The following MTMR12 variants were observed in gnomAD, a reference collection of about 807,000 sequenced individuals.
MTMR12 encodes the protein myotubularin related protein 12.
A neutral mutation model predicts 96.7 loss-of-function variants in MTMR12; 33 were observed. That is an observed-to-expected ratio of 0.34 (90% confidence interval 0.26 to 0.46). The LOEUF is 0.46. MTMR12 is among the 20% of genes least tolerant of loss of function. MTMR12 has a pLI of 1.00. For synonymous variants in MTMR12, 298 were observed against 327.2 expected (o/e 0.91, Z 0.96); for missense variants, 721 against 896.1 (o/e 0.80, Z 2.49).
At chr5:32,251,510 G>A (rs989503760) in intron 8 of MTMR12, among the ~76,000 whole-genome samples, 4 of 152,160 alleles carry the variant, frequency 2.6e-5, no homozygotes, top group Admixed American at 6.5e-5. Context: ...GGCTGCACAC[G>A]ACGTAAGGAC....
At chr5:32,262,318 T>C (rs1334575305) in intron 7 of MTMR12, among the ~76,000 whole-genome samples, 5 of 152,154 alleles carry the variant, frequency 3.3e-5, no homozygotes, top group Non-Finnish European at 5.9e-5. Flanking sequence ...ATATTATTCA[T>C]GGCCAGGCAT....
chr5:32,249,659 G>A (rs1043836070), intron 8 of MTMR12, among the ~76,000 whole-genome samples: 5 of 152,204 alleles, frequency 3.3e-5, no homozygotes, highest in Non-Finnish European at 5.9e-5. Context: ...GAAGTCACAC[G>A]AGTGACCAAC....
intron 8 of MTMR12, among the ~76,000 whole-genome samples, chr5:32,249,508 C>T (rs1241898336): frequency 6.6e-6 from 1 of 152,060 alleles, no homozygotes; most frequent in African/African-American, 2.4e-5. Flanking sequence ...TGAGAGGGCA[C>T]AAAGATACTA....
intron 2 of MTMR12, among the ~76,000 whole-genome samples, chr5:32,275,138 C>T (rs979680956): frequency 2.0e-5 from 3 of 152,028 alleles, no homozygotes; most frequent in African/African-American, 4.8e-5. Flanking sequence ...AATATGAAAA[C>T]GAACAGTTTC....
intron 7 of MTMR12, among the ~76,000 whole-genome samples, chr5:32,257,185 G>T (rs1407988014): frequency 6.6e-6 from 1 of 152,146 alleles, no homozygotes; most frequent in African/African-American, 2.4e-5. Context: ...AAAAAAATTA[G>T]CTGGACGAAG....
chr5:32,250,577 G>C (rs1748877900), intron 8 of MTMR12, among the ~76,000 whole-genome samples: 1 of 152,166 alleles, frequency 6.6e-6, no homozygotes, highest in Non-Finnish European at 1.5e-5. Context: ...CCAGGCAATT[G>C]TGCCCCCCTT....
chr5:32,247,712 G>A, intron 10 of MTMR12: 1 of 982,360 alleles, frequency 1.0e-6, no homozygotes, highest in Middle Eastern at 5.2e-4. Flanking sequence ...ACTTTTAAAG[G>A]AAGAAACCAA....
chr5:32,280,464 C>T (rs868115995), intron 1 of MTMR12, among the ~76,000 whole-genome samples: 1 of 152,130 alleles, frequency 6.6e-6, no homozygotes, highest in South Asian at 2.1e-4. Flanking sequence ...AGAATGAACA[C>T]TTAATACTCA....
intron 6 of MTMR12, among the ~76,000 whole-genome samples, chr5:32,267,582 G>A (rs1749650524): frequency 6.6e-6 from 1 of 152,098 alleles, no homozygotes; most frequent in African/African-American, 2.4e-5. Flanking sequence ...TTCAAGTTTT[G>A]TCTTACTAAA....
In MTMR12 at chr5:32,233,026, A is replaced by C. The variant is rs992896278; in HGVS notation, c.1674+747T>G. On this transcript the variant is annotated intron_variant, in intron 15 of 15. Coordinates refer to ENST00000382142, the MANE Select transcript of MTMR12 (RefSeq NM_001040446.3). This position sits in a 1 kb window ranked among gnomAD's most constrained non-coding sequence, Gnocchi z 5.0. ...TTCTGGGCCTGGAGACAGAGCTAGG[A>C]AATGTCAGTTAAATAATTCATCAGT... The C allele has an allele frequency of 1.0e-6, 1 of 983,208 alleles. No homozygotes were observed. The highest frequency in any genetic ancestry group is 1.2e-6 in the Non-Finnish European group (1 of 827,886). The allele number at this position is 983,208 out of a possible 1,614,324, so 60.9% of individuals were successfully genotyped here. A position where few individuals can be genotyped will look rare whatever the true frequency, so the allele number is the denominator to read the frequency against.
chr5:32,260,915 A>C (rs2112054182), intron 7 of MTMR12, among the ~76,000 whole-genome samples: 1 of 151,856 alleles, frequency 6.6e-6, no homozygotes. Context: ...AGTTTCTGAA[A>C]ACAGATTATA....
chr5:32,292,985 T>C (rs60744736), intron 1 of MTMR12, among the ~76,000 whole-genome samples: 38,428 of 152,214 alleles, frequency 0.25, 5,575 homozygotes, highest in East Asian at 0.42. Flanking sequence ...ATTGACTTCA[T>C]ATCAGCATTT....
intron 1 of MTMR12, among the ~76,000 whole-genome samples, chr5:32,297,993 G>A (rs1750991593): frequency 6.6e-6 from 1 of 152,218 alleles, no homozygotes; most frequent in Admixed American, 6.5e-5. Flanking sequence ...CCAAGCTAAT[G>A]CTCCTTCAAC....
intron 9 of MTMR12, among the ~76,000 whole-genome samples, 199 bp from the exon 10 acceptor site, chr5:32,248,325 C>T (rs79219250): frequency 2.6e-5 from 4 of 152,226 alleles, no homozygotes; most frequent in Admixed American, 2.6e-4. Context: ...ACTGCCTGGC[C>T]CAAGATCATC....
rs143062394 is a variant in MTMR12, at chr5:32,262,489, T to C, written c.713+624A>G. Among the ~76,000 whole-genome samples the C allele has an allele frequency of 9.6e-3, 1,467 of 152,104 alleles. 19 individuals carry two copies. The highest frequency in any genetic ancestry group is 0.033 in the African/African-American group (1,373 of 41,494). ...GGTGGTGCACGCCTGTGGTCCCAGC[T>C]ACTCAGGAGGCTGAGGTGGGAGAAT... On this transcript the variant is annotated intron_variant, in intron 7 of 15. Transcript: ENST00000382142.
rs1291434677 is a variant in MTMR12, at chr5:32,239,026, T to C, written c.1319A>G (p.His440Arg). Residue 440 changes from histidine to arginine, a missense_variant, in exon 13 of 16, where the codon CAT becomes CGT. Physicochemically the swap from His to Arg is conservative, Grantham distance 29. Coordinates refer to ENST00000382142, the MANE Select transcript of MTMR12 (RefSeq NM_001040446.3). The stretch of plus-strand genomic sequence containing the variant: ...CTCCTCTTTGTCGTTCTGGCGGAGA[T>C]GGTTGCAGCGATCCAAGAAACAGTG... ...GGHCFLDRCN[H>R]LRQNDKEEVP... 6.2e-7 allele frequency: 1 copy of C among 1,603,944 alleles called. No homozygotes were observed. Among genetic ancestry groups the C allele is most frequent in the Admixed American group, 1.7e-5 (1 of 59,008 alleles).
chr5:32,292,371 C>G (rs1223607540), intron 1 of MTMR12, among the ~76,000 whole-genome samples: 1 of 152,160 alleles, frequency 6.6e-6, no homozygotes, highest in African/African-American at 2.4e-5. Context: ...GCCTCCTGTT[C>G]CTGCAACATT....
chr5:32,307,664 C>T (rs1237729555), intron 1 of MTMR12, among the ~76,000 whole-genome samples: 2 of 152,168 alleles, frequency 1.3e-5, no homozygotes, highest in African/African-American at 4.8e-5. Flanking sequence ...TTTACTCTGG[C>T]AGCAATCCAA....
chr5:32,300,912 TAAAAATACAAA>T (rs1693191003), intron 1 of MTMR12, among the ~76,000 whole-genome samples: 1 of 152,034 alleles, frequency 6.6e-6, no homozygotes, highest in Non-Finnish European at 1.5e-5. Context: ...CCATCTCTAC[TAAAAATACAAA>T]AATTAGCCGG....
Sources: gnomAD v4.1 joint callset for allele counts (sites outside exome capture counted in the v4.1 genomes callset) on GRCh38, gnomAD v4.1.1 for gene constraint, Gnocchi (gnomAD v3.1) non-coding constraint, MANE v1.5 for transcripts, NCBI Gene and HGNC (gene_info 2026-07-23, HGNC 2026-07-21) for gene names.